The following RPS6KC1 variants were observed in gnomAD, a reference collection of about 807,000 sequenced individuals.
RPS6KC1 encodes inactive ribosomal protein S6 kinase delta-1.
Under a neutral mutation model 103.8 loss-of-function variants are expected in RPS6KC1, and 54 were observed. That is an observed-to-expected ratio of 0.52 (90% CI 0.42 to 0.65). The LOEUF is 0.65. Among genes scored for constraint, RPS6KC1 ranks in the 30% least tolerant of loss-of-function variants. RPS6KC1 has a pLI of 0.00. For missense variants in RPS6KC1, 1,151 were observed against 1,253.8 expected, an observed-to-expected ratio of 0.92 and a Z score of 1.24; for synonymous variants, 439 against 438.7, an observed-to-expected ratio of 1.00 and a Z score of -0.01.
intron 8 of RPS6KC1, among the ~76,000 whole-genome samples, chr1:213,205,941 C>T (rs1215365094): frequency 3.3e-5 from 5 of 151,958 alleles, no homozygotes; most frequent in African/African-American, 7.3e-5. Context: ...TGAAATGCTC[C>T]GATGAGCATT....
intron 1 of RPS6KC1, among the ~76,000 whole-genome samples, chr1:213,069,126 T>C (rs1558253822): frequency 6.6e-6 from 1 of 152,172 alleles, no homozygotes; most frequent in Non-Finnish European, 1.5e-5. Context: ...AAAGTAGCCA[T>C]ATTTCAGTGG....
At chr1:213,490,343 A>G in the RPS6KC1 span, among the ~76,000 whole-genome samples, 2 of 152,228 alleles carry the variant, frequency 1.3e-5, no homozygotes, top group Admixed American at 6.5e-5. Context: ...GTGGTAAAGC[A>G]GAGCTGAGGT....
the RPS6KC1 span, among the ~76,000 whole-genome samples, chr1:213,674,801 T>C: frequency 6.6e-6 from 1 of 152,186 alleles, no homozygotes; most frequent in Non-Finnish European, 1.5e-5. Context: ...ATCTGCTTTA[T>C]CTTTTTTTTA....
chr1:213,454,810 C>G, the RPS6KC1 span, among the ~76,000 whole-genome samples: 5 of 152,200 alleles, frequency 3.3e-5, no homozygotes, highest in African/African-American at 1.2e-4. Flanking sequence ...GGTGTTGTCT[C>G]TTAGCCTTGC....
At chr1:213,162,255 G>T (rs2090546754) in intron 6 of RPS6KC1, among the ~76,000 whole-genome samples, 1 of 152,028 alleles carries the variant, frequency 6.6e-6, no homozygotes, top group African/African-American at 2.4e-5. Flanking sequence ...TAATTATTTG[G>T]ACAAGAGTTT....
At chr1:213,077,982 T>C (rs1303752413) in intron 3 of RPS6KC1, among the ~76,000 whole-genome samples, 166 bp downstream of exon 3, 2 of 152,178 alleles carry the variant, frequency 1.3e-5, no homozygotes, top group African/African-American at 2.4e-5. Flanking sequence ...TGTTATAGTT[T>C]TGTGTACCCA....
intron 3 of RPS6KC1, among the ~76,000 whole-genome samples, chr1:213,101,159 T>A (rs1398974828): frequency 2.0e-5 from 3 of 152,174 alleles, no homozygotes; most frequent in Non-Finnish European, 2.9e-5. Flanking sequence ...ATGGTTTCGA[T>A]TTGCATTTTT....
the RPS6KC1 span, among the ~76,000 whole-genome samples, chr1:213,679,638 C>A: frequency 1.3e-5 from 2 of 152,206 alleles, no homozygotes; most frequent in African/African-American, 2.4e-5. Flanking sequence ...ATTAAATCCA[C>A]CCATTGGCCA....
chr1:213,110,416 G>T (rs2082912475), intron 4 of RPS6KC1, among the ~76,000 whole-genome samples: 2 of 152,070 alleles, frequency 1.3e-5, no homozygotes, highest in Non-Finnish European at 2.9e-5. Flanking sequence ...TTGTTAGTGT[G>T]TTTAGTCCAT....
chr1:213,805,873 C>CACAGGCT, the RPS6KC1 span, among the ~76,000 whole-genome samples: 1 of 152,238 alleles, frequency 6.6e-6, no homozygotes, highest in African/African-American at 2.4e-5. Flanking sequence ...CACCTTGATT[C>CACAGGCT]ACAGGCTGGA....
At chr1:213,714,824 G>T in the RPS6KC1 span, among the ~76,000 whole-genome samples, 2 of 152,240 alleles carry the variant, frequency 1.3e-5, no homozygotes, top group South Asian at 4.1e-4. Flanking sequence ...GGTGGGGGTG[G>T]AGGAGGCCAA....
the RPS6KC1 span, among the ~76,000 whole-genome samples, chr1:213,696,547 T>A: frequency 6.6e-6 from 1 of 151,270 alleles, no homozygotes; most frequent in Non-Finnish European, 1.5e-5. Flanking sequence ...GAAACTCTCT[T>A]CTTAGGGAAG....
At chr1:213,216,568 A>C (rs1235277905) in intron 8 of RPS6KC1, among the ~76,000 whole-genome samples, 2 of 152,114 alleles carry the variant, frequency 1.3e-5, no homozygotes, top group Non-Finnish European at 2.9e-5. Flanking sequence ...CAGAATATAC[A>C]TTTTTTTCAG....
the RPS6KC1 span, among the ~76,000 whole-genome samples, chr1:213,391,768 A>G: frequency 6.6e-6 from 1 of 152,254 alleles, no homozygotes. Flanking sequence ...CAAACCAAGT[A>G]TGTGACCAAA....
chr1:213,560,743 T>TC, the RPS6KC1 span, among the ~76,000 whole-genome samples: 8 of 151,702 alleles, frequency 5.3e-5, no homozygotes, highest in Admixed American at 2.6e-4. Flanking sequence ...CAAATGTAAC[T>TC]CCCCCCCACC....
the RPS6KC1 span, among the ~76,000 whole-genome samples, chr1:213,725,813 G>C: frequency 2.0e-5 from 3 of 152,104 alleles, no homozygotes; most frequent in East Asian, 5.8e-4. Context: ...TTCTTTTACT[G>C]TTTTGTTCTT....
At chr1:213,578,041 C>T in the RPS6KC1 span, among the ~76,000 whole-genome samples, 18 of 152,220 alleles carry the variant, frequency 1.2e-4, no homozygotes, top group East Asian at 1.9e-4. Context: ...AATGGCTCCC[C>T]GGGCTGGGCC....
At chr1:213,386,610 C>T in the RPS6KC1 span, among the ~76,000 whole-genome samples, 88 of 152,292 alleles carry the variant, frequency 5.8e-4, 1 homozygote, top group Admixed American at 3.5e-3. Context: ...GGAGGGATGC[C>T]GCTAACTCAC....
At chr1:213,862,727 T>G in the RPS6KC1 span, among the ~76,000 whole-genome samples, 3 of 152,260 alleles carry the variant, frequency 2.0e-5, no homozygotes, top group Non-Finnish European at 4.4e-5. Context: ...AGACCACTAA[T>G]TATCAAAATT....
Sources: allele counts gnomAD v4.1 joint callset (sites outside exome capture counted in the v4.1 genomes callset), GRCh38; gene constraint gnomAD v4.1.1; transcripts MANE v1.5; gene names NCBI Gene and HGNC (gene_info 2026-07-23, HGNC 2026-07-21).